Variants in DCC observed in about 807,000 individuals in gnomAD.
DCC encodes DCC netrin 1 receptor.
DCC carries 58 observed loss-of-function variants against 172.5 expected under a neutral mutation model. The observed-to-expected ratio is 0.34, with a 90% CI of 0.27 to 0.42. The LOEUF (loss-of-function observed/expected upper bound fraction) is 0.42. Among genes scored for constraint, DCC ranks in the 10% least tolerant of loss-of-function variants. The pLI, the probability that DCC is intolerant of heterozygous loss-of-function variation, is 1.00. For missense variants in DCC, 1,740 were observed against 1,791.0 expected (o/e 0.97, Z 0.51); for synonymous variants, 709 against 644.5 (o/e 1.10, Z -1.52).
chr18:53,379,689 G>A (rs1396407200), intron 15 of DCC, among the ~76,000 whole-genome samples: 3 of 151,904 alleles, frequency 2.0e-5, no homozygotes, highest in African/African-American at 4.8e-5. Flanking sequence ...TCCTTTCCTG[G>A]CCACAGAGAA....
chr18:52,903,881 C>T (rs888364119), intron 2 of DCC, among the ~76,000 whole-genome samples: 5 of 152,188 alleles, frequency 3.3e-5, no homozygotes, highest in Non-Finnish European at 7.3e-5. Context: ...GATTAACGTA[C>T]TTCTTTGGAA....
chr18:52,835,337 T>C (rs2038686320), intron 2 of DCC, among the ~76,000 whole-genome samples: 1 of 152,214 alleles, frequency 6.6e-6, no homozygotes, highest in Non-Finnish European at 1.5e-5. Flanking sequence ...TTCAAAGTAA[T>C]TTACTTTCTA....
At chr18:52,927,176 T>TAC (rs2040230364) in intron 5 of DCC, among the ~76,000 whole-genome samples, 1 of 133,494 alleles carries the variant, frequency 7.5e-6, no homozygotes, top group Non-Finnish European at 1.6e-5. Flanking sequence ...TGTGTATATA[T>TAC]GTGTATATAT....
chr18:53,511,777 A>G (rs1415128638), intron 27 of DCC, among the ~76,000 whole-genome samples: 1 of 152,204 alleles, frequency 6.6e-6, no homozygotes, highest in East Asian at 1.9e-4. Flanking sequence ...GCGCATCATG[A>G]GAGTATATCC....
intron 27 of DCC, among the ~76,000 whole-genome samples, chr18:53,503,058 C>T (rs1371907084): frequency 6.6e-6 from 1 of 151,926 alleles, no homozygotes; most frequent in Non-Finnish European, 1.5e-5. Context: ...GTGTTGTTCC[C>T]CTCCCTGTGG....
chr18:53,344,565 C>T (rs1901771936), intron 15 of DCC, among the ~76,000 whole-genome samples: 1 of 150,586 alleles, frequency 6.6e-6, no homozygotes, highest in South Asian at 2.1e-4. Flanking sequence ...CCTCAGCTTC[C>T]CAAGTAGCTG....
At chr18:53,270,308 TGGTCTG>T (rs893106218) in intron 12 of DCC, among the ~76,000 whole-genome samples, 1 of 152,146 alleles carries the variant, frequency 6.6e-6, no homozygotes, top group African/African-American at 2.4e-5. Flanking sequence ...TTGAAGATGG[TGGTCTG>T]AATATTTTAA....
chr18:52,445,639 A>G (rs1988096946), intron 1 of DCC, among the ~76,000 whole-genome samples: 1 of 152,178 alleles, frequency 6.6e-6, no homozygotes, highest in Non-Finnish European at 1.5e-5. Context: ...CTAACACAAA[A>G]CGAATTTTGA....
intron 1 of DCC, among the ~76,000 whole-genome samples, chr18:52,540,694 C>T (rs530974010): frequency 7.4e-5 from 11 of 148,342 alleles, no homozygotes; most frequent in Non-Finnish European, 4.4e-5. Flanking sequence ...GCAAGCTCCA[C>T]CTCCCGGGTT....
chr18:52,921,149 GGT>G (rs34906148), intron 3 of DCC, among the ~76,000 whole-genome samples: 136,441 of 151,860 alleles, frequency 0.9, 61,730 homozygotes, highest in Middle Eastern at 0.97. Context: ...AAAAGTAAAG[GGT>G]GTAAATAATG....
At chr18:52,937,220 T>C (rs2040393416) in intron 5 of DCC, among the ~76,000 whole-genome samples, 1 of 152,124 alleles carries the variant, frequency 6.6e-6, no homozygotes, top group East Asian at 1.9e-4. Flanking sequence ...AGAGGGAGAT[T>C]TTTCTTATTT....
intron 12 of DCC, among the ~76,000 whole-genome samples, chr18:53,254,047 T>C (rs1012182335): frequency 6.6e-6 from 1 of 151,976 alleles, no homozygotes; most frequent in Non-Finnish European, 1.5e-5. Flanking sequence ...GTCAAAAACA[T>C]CAGGAGAGTT....
At chr18:53,459,054 C>T (rs1409339057) in intron 23 of DCC, among the ~76,000 whole-genome samples, 178 bp from the exon 24 acceptor site, 3 of 152,162 alleles carry the variant, frequency 2.0e-5, no homozygotes, top group Non-Finnish European at 4.4e-5. Context: ...TGTGGTGAAG[C>T]TCCAGGGGGG....
chr18:53,422,121 G>T (rs1373259146), intron 21 of DCC, among the ~76,000 whole-genome samples: 1 of 152,134 alleles, frequency 6.6e-6, no homozygotes, highest in African/African-American at 2.4e-5. Context: ...ACTGTCTTGT[G>T]AGACTAAACC....
intron 1 of DCC, among the ~76,000 whole-genome samples, chr18:52,615,222 G>T (rs2034357340): frequency 6.6e-6 from 1 of 152,166 alleles, no homozygotes; most frequent in African/African-American, 2.4e-5. Context: ...TGAATTCTCT[G>T]AATGACTGTC....
chr18:52,604,115 C>T (rs1280998224), intron 1 of DCC, among the ~76,000 whole-genome samples: 4 of 151,944 alleles, frequency 2.6e-5, no homozygotes, highest in Non-Finnish European at 5.9e-5. Context: ...CCCACCACTG[C>T]TAGATTAATT....
At chr18:53,460,294 T>C (rs76057078) in intron 24 of DCC, among the ~76,000 whole-genome samples, 9 of 143,980 alleles carry the variant, frequency 6.3e-5, no homozygotes, top group Admixed American at 6.9e-5. Context: ...TTTTTTTTTT[T>C]TTTTTTTTTA....
rs118003413 is a variant in DCC, at chr18:53,228,135, G to A, written c.1911+12538G>A. ...CTATATTTCAATATTTCCAAGTTGGGTTTTGTTTTCTTATACTTCAAAGAA... is the reference window on the plus strand; with the variant it reads ...CTATATTTCAATATTTCCAAGTTGGATTTTGTTTTCTTATACTTCAAAGAA... On this transcript the variant is annotated intron_variant, in intron 12 of 28. Transcript: ENST00000442544. Among the ~76,000 whole-genome samples the A allele has an allele frequency of 1.0e-3, 156 of 151,932 alleles. 1 individual carries two copies. The East Asian group carries it at 0.024, about 24-fold the overall frequency.
intron 21 of DCC, among the ~76,000 whole-genome samples, chr18:53,430,551 A>T (rs1335830382): frequency 6.6e-6 from 1 of 152,160 alleles, no homozygotes; most frequent in African/African-American, 2.4e-5. Flanking sequence ...AAGATTCTCA[A>T]TCTGCCCATG....
Sources: allele counts gnomAD v4.1 joint callset (sites outside exome capture counted in the v4.1 genomes callset), GRCh38; gene constraint gnomAD v4.1.1; transcripts MANE v1.5; gene names NCBI Gene and HGNC (gene_info 2026-07-23, HGNC 2026-07-21).